ZNF227: variants seen among roughly 807,000 people sequenced by gnomAD.
ZNF227 encodes the protein zinc finger protein 227.
A neutral mutation model predicts 13.2 loss-of-function variants in ZNF227; 12 were observed. The observed-to-expected ratio is 0.91, with a 90% CI of 0.58 to 1.47. The LOEUF (loss-of-function observed/expected upper bound fraction) is 1.47. Among genes scored for constraint, ZNF227 ranks in the 40% most tolerant of loss-of-function variants. ZNF227 has a pLI of 0.00. For synonymous variants in ZNF227, 338 were observed against 326.0 expected (o/e 1.04, Z -0.40); for missense variants, 885 against 967.5 (o/e 0.91, Z 1.13).
Position 44,235,564 on chromosome 19 carries a change from A to G in ZNF227, c.1134A>G (p.Lys378=), listed in dbSNP as rs1339477696. ...QCHQRVHTEE[K]PYKCEECGKG... is the part of the protein sequence containing the mutation. ...ATCAGAGAGTCCACACTGAAGAAAA[A>G]CCATACAAATGCGAAGAGTGTGGTA... Residue 378 remains lysine, a synonymous_variant, in exon 6 of 6, where the codon AAA becomes AAG. Transcript: ENST00000313040. 6.2e-7 allele frequency: 1 copy of G among 1,613,974 alleles called. No homozygotes were observed. Among genetic ancestry groups the G allele is most frequent in the East Asian group, 2.2e-5 (1 of 44,892 alleles).
chr19:44,229,149 A>G (rs1454458912), intron 4 of ZNF227: 2 of 152,754 alleles, frequency 1.3e-5, no homozygotes, highest in Admixed American at 1.3e-4. Context: ...TCACATTGCA[A>G]CAAAAACTGA....
chr19:44,231,032 C>A (rs1250706791), intron 5 of ZNF227, among the ~76,000 whole-genome samples: 3 of 148,946 alleles, frequency 2.0e-5, no homozygotes, highest in African/African-American at 5.0e-5. Context: ...GAATTTGAGA[C>A]CAACCTGGAC....
At chr19:44,222,356 T>A (rs1972618671) in intron 3 of ZNF227, among the ~76,000 whole-genome samples, 1 of 152,126 alleles carries the variant, frequency 6.6e-6, no homozygotes, top group South Asian at 2.1e-4. Flanking sequence ...CCTTGGGCAG[T>A]ATGGACATTT....
In ZNF227 at chr19:44,235,845, G is replaced by C; in HGVS notation, c.1415G>C (p.Gly472Ala). ...TACAAGTGTGAGGCGTGTGGGAAAG[G>C]CTTTACCCGTAATACAGATCTGCAT... ...KPYKCEACGK[G>A]FTRNTDLHIH... The change falls in exon 6 of 6, where the codon GGC (glycine) becomes GCC (alanine). Residue 472 changes from glycine (G) to alanine (A), a missense_variant. Transcript: ENST00000313040. The C allele has an allele frequency of 1.9e-6, 3 of 1,613,856 alleles. No homozygotes were observed. The highest frequency in any genetic ancestry group is 2.2e-5 in the East Asian group (1 of 44,842).
Position 44,235,413 on chromosome 19 carries a change from G to A in ZNF227, c.983G>A (p.Ser328Asn). 6.2e-7 allele frequency: 1 copy of A among 1,614,124 alleles called. No homozygotes were observed. The highest frequency in any genetic ancestry group is 1.1e-5 in the South Asian group (1 of 91,070). ...GGAGAGAAGTCTTATAGATGCGACA[G>A]TTGCGGCAAGGGATTCAGTAGCAGC... is the stretch of plus-strand genomic sequence containing the variant. ...HTGEKSYRCD[S>N]CGKGFSSSTG... Residue 328 changes from serine (S) to asparagine (N), a missense_variant, in exon 6 of 6, where the codon AGT (serine) becomes AAT (asparagine). Coordinates refer to ENST00000313040, the MANE Select transcript of ZNF227 (RefSeq NM_182490.3).
In ZNF227 at chr19:44,235,189, T is replaced by G. The variant is rs757759102; in HGVS notation, c.759T>G (p.Gly253=). ...TAGGAGAGAAACCCCATCCATGTGG[T>G]GAGTGTGGAAGGGGCTTCAGTTATA... ...LPLGEKPHPC[G]ECGRGFSYSP... is the part of the protein sequence containing the mutation. Residue 253 remains glycine (G), a synonymous_variant, in exon 6 of 6, where the codon GGT becomes GGG. Transcript: ENST00000313040. The G allele has an allele frequency of 6.2e-7, 1 of 1,614,058 alleles. No individual in the cohort carries two copies. The highest frequency in any genetic ancestry group is 8.5e-7 in the Non-Finnish European group (1 of 1,180,018).
rs1974302439 is a variant in ZNF227, at chr19:44,235,184, TGTG to T, written c.758_760del (p.Gly253del). The T allele has an allele frequency of 3.1e-6, 5 of 1,614,138 alleles. No homozygotes were observed. The highest frequency in any genetic ancestry group is 4.2e-6 in the Non-Finnish European group (5 of 1,180,030). On this transcript the variant is annotated inframe_deletion, in exon 6 of 6. Transcript: ENST00000313040. The stretch of plus-strand genomic sequence containing the variant: ...ACCCTTAGGAGAGAAACCCCATCCA[TGTG>T]GTGAGTGTGGAAGGGGCTTCAGTTA...
At chr19:44,227,862 C>T (rs1428881910) in intron 3 of ZNF227, among the ~76,000 whole-genome samples, 1 of 152,160 alleles carries the variant, frequency 6.6e-6, no homozygotes, top group Non-Finnish European at 1.5e-5. Flanking sequence ...GTGACATGTG[C>T]CTTGAAAGCA....
chr19:44,234,912 C>G lies in ZNF227; in HGVS notation c.482C>G (p.Ser161Cys). The G allele has an allele frequency of 6.2e-7, 1 of 1,613,032 alleles. No individual in the cohort carries two copies. The highest frequency in any genetic ancestry group is 8.5e-7 in the Non-Finnish European group (1 of 1,179,774). Residue 161 changes from serine (S) to cysteine (C), a missense_variant, in exon 6 of 6, where the codon TCT (serine) becomes TGT (cysteine). Transcript: ENST00000313040. The stretch of plus-strand genomic sequence containing the variant: ...ATAATGAACCCTAAAGGAGATAGCT[C>G]TATTTATATTGAAAATCAAGAGTTT... ...NNIMNPKGDS[S>C]IYIENQEFPF...
Position 44,236,450 on chromosome 19 carries a change from C to T in ZNF227, c.2020C>T (p.Gln674Ter), listed in dbSNP as rs750912568. 5.6e-6 allele frequency: 9 copies of T among 1,613,090 alleles called. No homozygotes were observed. In the South Asian group the frequency reaches 8.8e-5, roughly 16 times the overall value. The change falls in exon 6 of 6, where the codon CAG becomes TAG. Residue 674 changes from glutamine (Q) to a stop codon, truncating the protein, a stop_gained. Coordinates refer to ENST00000313040, the MANE Select transcript of ZNF227 (RefSeq NM_182490.3). LOFTEE classifies it low-confidence loss of function (END_TRUNC). ...TGGAAAGGGCTTTAGATACAGTTCGCAGTTTATATACCATCAGAGAGGCCA... is the reference window on the plus strand; with the variant it reads ...TGGAAAGGGCTTTAGATACAGTTCGTAGTTTATATACCATCAGAGAGGCCA... Reference protein sequence around the residue: ...VCGKGFRYSSQFIYHQRGHTG... With the variant: ...VCGKGFRYSS
intron 5 of ZNF227, among the ~76,000 whole-genome samples, chr19:44,234,106 A>G (rs1448929146): frequency 6.6e-6 from 1 of 152,136 alleles, no homozygotes; most frequent in East Asian, 1.9e-4. Context: ...GAGAGTTTGC[A>G]CTATGCTCTA....
chr19:44,231,380 G>A (rs1473595457), intron 5 of ZNF227, among the ~76,000 whole-genome samples: 1 of 151,474 alleles, frequency 6.6e-6, no homozygotes, highest in Non-Finnish European at 1.5e-5. Context: ...GTGTCACCCA[G>A]GCTGGAGTGC....
At chr19:44,226,177 G>A (rs1440964599) in intron 3 of ZNF227, among the ~76,000 whole-genome samples, 2 of 152,202 alleles carry the variant, frequency 1.3e-5, no homozygotes, top group Non-Finnish European at 2.9e-5. Context: ...TGTGTGAGGT[G>A]TCAGTCTGCC....
At chr19:44,224,545 T>A (rs1351580395) in intron 3 of ZNF227, among the ~76,000 whole-genome samples, 1 of 152,190 alleles carries the variant, frequency 6.6e-6, no homozygotes, top group East Asian at 1.9e-4. Flanking sequence ...TCTTTTGATC[T>A]TTGTTGGTTT....
At chr19:44,230,778 A>C (rs943259303) in intron 5 of ZNF227, among the ~76,000 whole-genome samples, 1 of 151,240 alleles carries the variant, frequency 6.6e-6, no homozygotes, top group Non-Finnish European at 1.5e-5. Context: ...ATTGACTTAA[A>C]AATTAAAAGT....
intron 2 of ZNF227, 27 bp from the exon 3 acceptor site, chr19:44,217,764 T>C (rs755558756): frequency 1.2e-6 from 2 of 1,613,512 alleles, no homozygotes; most frequent in East Asian, 4.5e-5. Context: ...CAGGCTTGTG[T>C]CTCATGGCGT....
In ZNF227 at chr19:44,216,021, TAAAAAAA is replaced by T. The variant is rs11325106; in HGVS notation, c.-2-1758_-2-1752del. Among the ~76,000 whole-genome samples, 79 of 107,968 alleles carry T rather than the reference TAAAAAAA, an allele frequency of 7.3e-4. 1 individual carries two copies. The Middle Eastern group carries it at 0.044, about 61-fold the overall frequency. The allele number at this position is 107,968 out of a possible 152,430, so 70.8% of individuals were successfully genotyped here. ...AAAAAAAAAAAAAAAGATGTACCTT[TAAAAAAA>T]AAAAAAAAAAAGCTATGTTTTTATA... On this transcript the variant is annotated intron_variant, in intron 2 of 5. Coordinates refer to ENST00000313040, the MANE Select transcript of ZNF227 (RefSeq NM_182490.3).
In ZNF227 at chr19:44,236,568, A is replaced by C; in HGVS notation, c.2138A>C (p.Glu713Ala). Residue 713 changes from glutamate (E) to alanine (A), a missense_variant, in exon 6 of 6, where the codon GAG becomes GCG. Glu to Ala is a moderately radical substitution (Grantham distance 107). Coordinates refer to ENST00000313040, the MANE Select transcript of ZNF227 (RefSeq NM_182490.3). ...CATCATCAGAGGGTCCACACGGGAG[A>C]GAAACCCCATATATGTGAGGAGTGT... ...LRHHQRVHTG[E>A]KPHICEECGK... 6.2e-7 allele frequency: 1 copy of C among 1,614,142 alleles called. No individual in the cohort carries two copies. Among genetic ancestry groups the C allele is most frequent in the Non-Finnish European group, 8.5e-7 (1 of 1,180,034 alleles).
chr19:44,215,576 G>C (rs1481051381), intron 2 of ZNF227, among the ~76,000 whole-genome samples: 1 of 151,578 alleles, frequency 6.6e-6, no homozygotes, highest in Non-Finnish European at 1.5e-5. Flanking sequence ...AACTGGTCTG[G>C]AGTTTATATG....
Sources: allele counts gnomAD v4.1 joint callset (sites outside exome capture counted in the v4.1 genomes callset), GRCh38; gene constraint gnomAD v4.1.1; transcripts MANE v1.5; gene names NCBI Gene and HGNC (gene_info 2026-07-23, HGNC 2026-07-21).